The following COA8 variants were observed in gnomAD, a reference collection of about 807,000 sequenced individuals.
The protein encoded by COA8 is UPF0671 protein C14orf153.
In COA8, 20 loss-of-function variants were observed where a neutral mutation model predicts 22.0. The ratio of observed to expected loss-of-function variants is 0.91; its 90% CI spans 0.64 to 1.32. The LOEUF (loss-of-function observed/expected upper bound fraction) is 1.32, where lower values mean the gene tolerates loss of function less well. COA8 is among the 40% of genes most tolerant of loss of function. The probability of loss-of-function intolerance (pLI) is 0.00; values close to 1 mark genes in which losing one functional copy is unlikely to be tolerated. For missense variants in COA8, 266 were observed against 230.0 expected, an observed-to-expected ratio of 1.16 and a Z score of -1.01; for synonymous variants, 105 against 79.9, an observed-to-expected ratio of 1.31 and a Z score of -1.68.
At chr14:103,563,300 C>G (rs998135275) in intron 1 of COA8, 176 bp downstream of exon 1, 81 of 869,796 alleles carry the variant, frequency 9.3e-5, no homozygotes, top group Non-Finnish European at 1.3e-4. Flanking sequence ...CGCCCTCAGT[C>G]GGATGGGACT....
intron 1 of COA8, among the ~76,000 whole-genome samples, chr14:103,565,338 C>T (rs1468548573): frequency 6.6e-6 from 1 of 152,066 alleles, no homozygotes; most frequent in Non-Finnish European, 1.5e-5. Context: ...ATCTTTAAAA[C>T]TCAGCTTTTC....
chr14:103,577,524 C>G (rs908019773), intron 3 of COA8, among the ~76,000 whole-genome samples: 1 of 152,156 alleles, frequency 6.6e-6, no homozygotes, highest in African/African-American at 2.4e-5. Flanking sequence ...AAGAATTTAG[C>G]TACACATATT....
At chr14:103,580,917 C>T (rs1415614056) in intron 3 of COA8, among the ~76,000 whole-genome samples, 1 of 152,050 alleles carries the variant, frequency 6.6e-6, no homozygotes, top group Non-Finnish European at 1.5e-5. Flanking sequence ...CTGCCTCAGC[C>T]TCCTGAGTAG....
intron 3 of COA8, among the ~76,000 whole-genome samples, chr14:103,580,858 G>A (rs1269250607): frequency 1.7e-4 from 24 of 144,664 alleles, no homozygotes; most frequent in Admixed American, 1.1e-3. Context: ...GTGCAGTGGC[G>A]CAATCTCAGC....
Position 103,581,041 on chromosome 14 carries a change from C to T in COA8, c.386-6233C>T, listed in dbSNP as rs1052206479. 6.6e-6 allele frequency among the ~76,000 whole-genome samples: 1 copy of T among 152,016 alleles called. No individual in the cohort carries two copies. Among genetic ancestry groups the T allele is most frequent in the Non-Finnish European group, 1.5e-5 (1 of 68,016 alleles). On this transcript the variant is annotated intron_variant, in intron 3 of 4. Transcript: ENST00000409074. The surrounding 1 kb of genome is among the most constrained non-coding windows in gnomAD (Gnocchi z 4.1). ...TCTGGAACTCCCAACCTCAGGTGAT[C>T]CGCCCGTCTTGGCCTCCCAAAGTCC... is the stretch of plus-strand genomic sequence containing the variant.
At chr14:103,564,571 CTTTTTTTTTTTTTTTTT>C (rs561702478) in intron 1 of COA8, among the ~76,000 whole-genome samples, 1 of 91,460 alleles carries the variant, frequency 1.1e-5, no homozygotes, top group Non-Finnish European at 2.1e-5. Context: ...ATATACACTT[CTTTTTTTTTTTTTTTTT>C]TTTTTTTTTG....
rs189950756 is a variant in COA8 at position 103,587,647 on chromosome 14, A to G, written c.476+283A>G. Among the ~76,000 whole-genome samples, 559 of 151,202 alleles carry G rather than the reference A, an allele frequency of 3.7e-3. 17 individuals are homozygous for G. In the East Asian group the frequency reaches 0.067, roughly 18 times the overall value. On this transcript the variant is annotated intron_variant, in intron 4 of 4. Transcript: ENST00000409074. ...CTCAGCCTCCCGAGTAGCTGGGACT[A>G]CAGGCACCCGCCAGCACGCCTGGCT...
intron 3 of COA8, among the ~76,000 whole-genome samples, chr14:103,584,955 T>A (rs2076294807): frequency 6.6e-6 from 1 of 151,320 alleles, no homozygotes; most frequent in South Asian, 2.1e-4. Context: ...CTGACCGATG[T>A]GGTGAAACCC....
At position 103,590,211 on chromosome 14, in the gene COA8, C is replaced by T. The variant is rs35468666; in HGVS notation, c.507C>T (p.Thr169=). The T allele has an allele frequency of 2.3e-4, 376 of 1,614,054 alleles. No individual in the cohort carries two copies. Among genetic ancestry groups the T allele is most frequent in the Non-Finnish European group, 2.8e-4 (336 of 1,180,020 alleles). ...RDWYKRNFAI[T]FFMGKVALER... is the part of the protein sequence containing the mutation. ...GGTACAAGCGCAATTTTGCCATCACCTTCTTCATGGGAAAAGTGGCCCTGG... is the reference window on the plus strand; with the variant it reads ...GGTACAAGCGCAATTTTGCCATCACTTTCTTCATGGGAAAAGTGGCCCTGG... Residue 169 remains threonine, a synonymous_variant, in exon 5 of 5, where the codon ACC becomes ACT. Coordinates refer to ENST00000409074, the MANE Select transcript of COA8 (RefSeq NM_001370595.2).
At chr14:103,588,480 AAT>A (rs926508233) in intron 4 of COA8, among the ~76,000 whole-genome samples, 4 of 143,802 alleles carry the variant, frequency 2.8e-5, no homozygotes, top group African/African-American at 4.9e-5. Context: ...TAATTAAAAA[AAT>A]ATATATATAT....
chr14:103,570,297 A>G (rs1021447598), intron 1 of COA8, among the ~76,000 whole-genome samples: 1 of 152,202 alleles, frequency 6.6e-6, no homozygotes, highest in African/African-American at 2.4e-5. Context: ...CCAGCATCAA[A>G]TCAGTGTATT....
intron 3 of COA8, among the ~76,000 whole-genome samples, chr14:103,584,016 T>A (rs1434958688): frequency 1.3e-5 from 2 of 152,246 alleles, no homozygotes; most frequent in Non-Finnish European, 2.9e-5. Flanking sequence ...TCTCTGGGCA[T>A]GCCATCCTCC....
At chr14:103,585,869 C>T (rs1386888913) in intron 3 of COA8, among the ~76,000 whole-genome samples, 1 of 149,764 alleles carries the variant, frequency 6.7e-6, no homozygotes, top group Non-Finnish European at 1.5e-5. Context: ...CCACCATGCC[C>T]GGCCCGGCCC....
chr14:103,563,585 G>A (rs892886860), intron 1 of COA8, among the ~76,000 whole-genome samples: 14 of 152,156 alleles, frequency 9.2e-5, no homozygotes, highest in Non-Finnish European at 1.6e-4. Flanking sequence ...TGCAAACTAT[G>A]TGTGGGTATA....
Position 103,584,455 on chromosome 14 carries a change from A to G in COA8, c.386-2819A>G, listed in dbSNP as rs528191464. ...CCCCATTCGAACAGGAGCAGCTGCT[A>G]TCACCCTTCATCACTCAGGAGATTC... On this transcript the variant is annotated intron_variant, in intron 3 of 4. Coordinates refer to ENST00000409074, the MANE Select transcript of COA8 (RefSeq NM_001370595.2). 7.7e-4 allele frequency among the ~76,000 whole-genome samples: 117 copies of G among 152,268 alleles called. 1 individual carries two copies. Among genetic ancestry groups the G allele is most frequent in the African/African-American group, 2.7e-3 (114 of 41,558 alleles).
Position 103,590,558 on chromosome 14 carries a change from A to G in COA8, c.*272A>G, listed in dbSNP as rs2076344505. On this transcript the variant is annotated 3_prime_UTR_variant, in exon 5 of 5. Transcript: ENST00000409074. The stretch of plus-strand genomic sequence containing the variant: ...GTTTCCTGTGTTTCGAATTATACCA[A>G]TTCAAAACAGAACTATTTAAAAATA... 1 of 346,840 alleles carries G rather than the reference A, an allele frequency of 2.9e-6. No individual in the cohort carries two copies. Among genetic ancestry groups the G allele is most frequent in the African/African-American group, 2.1e-5 (1 of 46,556 alleles). 21.5% of individuals were successfully genotyped at this position (346,840 alleles called of 1,614,324 possible). A position where few individuals can be genotyped will look rare whatever the true frequency, so the allele number is the denominator to read the frequency against.
intron 3 of COA8, among the ~76,000 whole-genome samples, chr14:103,578,004 G>A (rs1336738792): frequency 7.9e-6 from 1 of 125,880 alleles, no homozygotes; most frequent in African/African-American, 3.1e-5. Flanking sequence ...AGCCTGGGCA[G>A]CAAGAGTGAA....
chr14:103,579,483 G>A (rs1339172569), intron 3 of COA8: 2 of 167,012 alleles, frequency 1.2e-5, no homozygotes, highest in African/African-American at 4.8e-5. Context: ...TGAGTAGCTG[G>A]GACTACAGGT....
intron 1 of COA8, among the ~76,000 whole-genome samples, chr14:103,570,594 G>C (rs1052948273): frequency 3.3e-5 from 5 of 152,140 alleles, no homozygotes; most frequent in Non-Finnish European, 7.3e-5. Context: ...TTAGCCGGGC[G>C]TGGTGGCATA....
Sources: allele counts gnomAD v4.1 joint callset (sites outside exome capture counted in the v4.1 genomes callset), GRCh38; gene constraint gnomAD v4.1.1; non-coding constraint Gnocchi (gnomAD v3.1); transcripts MANE v1.5; gene names NCBI Gene and HGNC (gene_info 2026-07-23, HGNC 2026-07-21).